The following RNF180 variants were observed in gnomAD, a reference collection of about 807,000 sequenced individuals.
RNF180 encodes the protein E3 ubiquitin-protein ligase RNF180.
Under a neutral mutation model 59.2 loss-of-function variants are expected in RNF180, and 38 were observed. That is an observed-to-expected ratio of 0.64 (90% confidence interval 0.50 to 0.84). The LOEUF (loss-of-function observed/expected upper bound fraction) is 0.84, where lower values mean the gene tolerates loss of function less well. RNF180 is among the 40% of genes least tolerant of loss of function. RNF180 has a pLI of 0.00. For synonymous variants in RNF180, 262 were observed against 240.3 expected (o/e 1.09, Z -0.84); for missense variants, 705 against 700.9 (o/e 1.01, Z -0.07).
At chr5:64,183,973 T>C (rs1750747072) in intron 1 of RNF180, among the ~76,000 whole-genome samples, 1 of 152,156 alleles carries the variant, frequency 6.6e-6, no homozygotes, top group Non-Finnish European at 1.5e-5. Context: ...GATAGGGACT[T>C]GAAAGAGGTG....
intron 7 of RNF180, among the ~76,000 whole-genome samples, chr5:64,351,815 AT>A (rs1745824252): frequency 6.6e-6 from 1 of 152,084 alleles, no homozygotes; most frequent in Non-Finnish European, 1.5e-5. Context: ...CCAGTATTTT[AT>A]TGAGGATTTT....
intron 5 of RNF180, among the ~76,000 whole-genome samples, chr5:64,290,745 C>T (rs1044422757): frequency 6.6e-6 from 1 of 152,046 alleles, no homozygotes; most frequent in Non-Finnish European, 1.5e-5. Context: ...TCCTCCATCC[C>T]TTTAGTTTGA....
At chr5:64,290,352 G>C (rs918546804) in intron 5 of RNF180, among the ~76,000 whole-genome samples, 1 of 152,202 alleles carries the variant, frequency 6.6e-6, no homozygotes, top group Non-Finnish European at 1.5e-5. Context: ...TGTATATTCT[G>C]TTGGTTTGGG....
At chr5:64,286,941 C>A (rs1742320632) in intron 5 of RNF180, among the ~76,000 whole-genome samples, 1 of 152,098 alleles carries the variant, frequency 6.6e-6, no homozygotes, top group African/African-American at 2.4e-5. Context: ...TAGAAGACGT[C>A]AAATGCTAAT....
chr5:64,370,847 C>G lies in RNF180; in HGVS notation c.*1033C>G, dbSNP rs1746635164. 1 of 151,450 alleles carries G rather than the reference C, an allele frequency of 6.6e-6. No homozygotes were observed. The highest frequency in any genetic ancestry group is 6.6e-5 in the Admixed American group (1 of 15,146). The allele number at this position is 151,450 out of a possible 1,614,324, so 9.4% of individuals were successfully genotyped here. A position where few individuals can be genotyped will look rare whatever the true frequency, so the allele number is the denominator to read the frequency against. On this transcript the variant is annotated 3_prime_UTR_variant, in exon 8 of 8. Coordinates refer to ENST00000389100, the MANE Select transcript of RNF180 (RefSeq NM_001113561.2). Reference sequence around the variant, plus strand: ...TTATTTATTCAGTTATTCTGGTGGTCTTTGTGAAACCTGGGACAAAGTTTT... The same window carrying G: ...TTATTTATTCAGTTATTCTGGTGGTGTTTGTGAAACCTGGGACAAAGTTTT...
Position 64,255,502 on chromosome 5 carries a change from A to G in RNF180, c.1227+38106A>G, listed in dbSNP as rs1743886832. On this transcript the variant is annotated intron_variant, in intron 5 of 7. Coordinates refer to ENST00000389100, the MANE Select transcript of RNF180 (RefSeq NM_001113561.2). ...GCTGAGAATGATGGTTTCCAGCTTC[A>G]TCCATGTCCCTACTAAGGACATGAA... Among the ~76,000 whole-genome samples the G allele has an allele frequency of 1.3e-5, 2 of 152,130 alleles. 1 individual carries two copies. Among genetic ancestry groups the G allele is most frequent in the African/African-American group, 4.8e-5 (2 of 41,432 alleles).
At chr5:64,326,033 C>T (rs989412452) in intron 6 of RNF180, among the ~76,000 whole-genome samples, 3 of 152,104 alleles carry the variant, frequency 2.0e-5, no homozygotes, top group Admixed American at 1.3e-4. Context: ...ATAGAATTCA[C>T]TACTAGGTGC....
intron 5 of RNF180, among the ~76,000 whole-genome samples, chr5:64,272,230 CT>C (rs1376204898): frequency 6.6e-6 from 1 of 151,854 alleles, no homozygotes; most frequent in Non-Finnish European, 1.5e-5. Context: ...AGTAGGGGAC[CT>C]ATTTTAGTTT....
intron 5 of RNF180, among the ~76,000 whole-genome samples, chr5:64,318,357 G>A (rs758609652): frequency 4.6e-5 from 7 of 152,096 alleles, no homozygotes; most frequent in Admixed American, 1.3e-4. Flanking sequence ...TATACAAAGT[G>A]GATATACTGA....
chr5:64,190,971 T>A (rs965837843), intron 1 of RNF180, among the ~76,000 whole-genome samples: 2 of 152,222 alleles, frequency 1.3e-5, no homozygotes, highest in Admixed American at 6.5e-5. Context: ...GAAGTATAAC[T>A]TTTTTTACAT....
chr5:64,295,191 A>C (rs2112436875), intron 5 of RNF180, among the ~76,000 whole-genome samples: 1 of 152,258 alleles, frequency 6.6e-6, no homozygotes, highest in Non-Finnish European at 1.5e-5. Flanking sequence ...TCCTAGTCTC[A>C]ACTATCTCTA....
chr5:64,293,255 G>A (rs755027474), intron 5 of RNF180, among the ~76,000 whole-genome samples: 7 of 152,142 alleles, frequency 4.6e-5, no homozygotes, highest in Non-Finnish European at 8.8e-5. Flanking sequence ...TCCTGGGGGG[G>A]CTGTTGTCCC....
At chr5:64,201,955 G>A (rs1233732470) in intron 2 of RNF180, among the ~76,000 whole-genome samples, 1 of 152,244 alleles carries the variant, frequency 6.6e-6, no homozygotes, top group East Asian at 1.9e-4. Flanking sequence ...TGGTCAGGCT[G>A]GTCTCGAACC....
intron 1 of RNF180, among the ~76,000 whole-genome samples, chr5:64,185,263 T>C (rs1750813240): frequency 6.6e-6 from 1 of 152,204 alleles, no homozygotes; most frequent in African/African-American, 2.4e-5. Flanking sequence ...CATAACAGTG[T>C]TTGTCTGGTA....
chr5:64,309,513 A>G, intron 5 of RNF180, among the ~76,000 whole-genome samples: 1 of 151,754 alleles, frequency 6.6e-6, no homozygotes, highest in East Asian at 1.9e-4. Context: ...TCCATAATGT[A>G]AATTTTTTTG....
At chr5:64,177,801 A>G (rs1410545431) in intron 1 of RNF180, among the ~76,000 whole-genome samples, 1 of 152,030 alleles carries the variant, frequency 6.6e-6, no homozygotes, top group African/African-American at 2.4e-5. Context: ...TAAACCAACA[A>G]TGGATGGTGA....
In RNF180 at chr5:64,213,843, A is replaced by G. The variant is rs200795457; in HGVS notation, c.517A>G (p.Asn173Asp). 3.1e-6 allele frequency: 5 copies of G among 1,614,124 alleles called. No individual in the cohort carries two copies. Among genetic ancestry groups the G allele is most frequent in the Non-Finnish European group, 4.2e-6 (5 of 1,180,002 alleles). The change falls in exon 4 of 8, where the codon AAT becomes GAT. Residue 173 changes from asparagine (N) to aspartate (D), a missense_variant. Coordinates refer to ENST00000389100, the MANE Select transcript of RNF180 (RefSeq NM_001113561.2). ...HRLLNMARNNNDPGRLTEALC... is the reference protein window; with the variant it reads ...HRLLNMARNNDDPGRLTEALC... ...GCTTTTAAACATGGCCCGAAATAAT[A>G]ATGACCCTGGAAGATTAACAGAAGC... is the stretch of plus-strand genomic sequence containing the variant.
Position 64,214,217 on chromosome 5 carries a change from G to A in RNF180, c.891G>A (p.Val297=). ...DPSMLLQRFS[V]APHETQTQRG... ...GTATGCTGCTGCAAAGATTTTCAGT[G>A]GCCCCCCATGAGACCCAGACACAAA... Residue 297 remains valine (V), a synonymous_variant, in exon 4 of 8, where the codon GTG becomes GTA. Coordinates refer to ENST00000389100, the MANE Select transcript of RNF180 (RefSeq NM_001113561.2). 1 of 1,613,948 alleles carries A rather than the reference G, an allele frequency of 6.2e-7. No homozygotes were observed. Among genetic ancestry groups the A allele is most frequent in the Non-Finnish European group, 8.5e-7 (1 of 1,179,976 alleles).
intron 5 of RNF180, among the ~76,000 whole-genome samples, chr5:64,289,891 A>G (rs1310396815): frequency 1.3e-5 from 2 of 151,312 alleles, no homozygotes; most frequent in African/African-American, 2.4e-5. Flanking sequence ...TGTCTCCTTC[A>G]GCTCTGATTT....
Sources: gnomAD v4.1 joint callset for allele counts (sites outside exome capture counted in the v4.1 genomes callset) on GRCh38, gnomAD v4.1.1 for gene constraint, MANE v1.5 for transcripts, NCBI Gene and HGNC (gene_info 2026-07-23, HGNC 2026-07-21) for gene names.